TPRG1: variants seen among roughly 807,000 people sequenced by gnomAD.
TPRG1 encodes the protein tumor protein p63 regulated 1.
A neutral mutation model predicts 29.3 loss-of-function variants in TPRG1; 29 were observed. The observed-to-expected ratio is 0.99, with a 90% CI of 0.74 to 1.35. The LOEUF (loss-of-function observed/expected upper bound fraction) is 1.35, where lower values mean the gene tolerates loss of function less well. TPRG1 is among the 40% of genes most tolerant of loss of function. The pLI is 0.00. For missense variants in TPRG1, 327 were observed against 335.0 expected (o/e 0.98, Z 0.19); for synonymous variants, 130 against 116.8 (o/e 1.11, Z -0.73).
chr3:189,071,313 A>G (rs193081757), intron 4 of TPRG1, among the ~76,000 whole-genome samples: 6 of 152,280 alleles, frequency 3.9e-5, no homozygotes, highest in Admixed American at 1.3e-4. Flanking sequence ...CTTTTTCCTT[A>G]AACAACTTTT....
At chr3:189,102,751 CTTTG>C (rs1339194157) in intron 1 of TPRG1, among the ~76,000 whole-genome samples, 3 of 152,116 alleles carry the variant, frequency 2.0e-5, no homozygotes, top group Admixed American at 6.5e-5. Context: ...GTTCAAATTT[CTTTG>C]TTTATTAATT....
chr3:189,181,627 T>A (rs1730235894), intron 1 of TPRG1, among the ~76,000 whole-genome samples: 1 of 152,176 alleles, frequency 6.6e-6, no homozygotes, highest in Admixed American at 6.5e-5. Context: ...TTGTTCATAT[T>A]ATTATCAGCA....
At chr3:189,274,237 T>C (rs535528018) in intron 4 of TPRG1, among the ~76,000 whole-genome samples, 1 of 152,272 alleles carries the variant, frequency 6.6e-6, no homozygotes, top group South Asian at 2.1e-4. Context: ...TAAGCTCTGA[T>C]AATTTTCTTA....
chr3:189,177,219 A>G (rs1729595934), intron 1 of TPRG1, among the ~76,000 whole-genome samples: 1 of 152,140 alleles, frequency 6.6e-6, no homozygotes, highest in Non-Finnish European at 1.5e-5. Flanking sequence ...AACAGGTAGA[A>G]AAGAGTGGCC....
At chr3:189,282,871 A>G (rs1717403904) in intron 4 of TPRG1, among the ~76,000 whole-genome samples, 1 of 152,184 alleles carries the variant, frequency 6.6e-6, no homozygotes, top group African/African-American at 2.4e-5. Flanking sequence ...ATGATAGTTA[A>G]TATTTTCTGT....
At chr3:189,050,591 C>T (rs144531371) in intron 4 of TPRG1, among the ~76,000 whole-genome samples, 74 of 152,216 alleles carry the variant, frequency 4.9e-4, no homozygotes, top group Middle Eastern at 3.4e-3. Context: ...ATGAAGCCAG[C>T]CTCACCCTAA....
intron 1 of TPRG1, among the ~76,000 whole-genome samples, chr3:189,180,104 G>A (rs751183178): frequency 9.2e-5 from 14 of 152,098 alleles, no homozygotes; most frequent in Non-Finnish European, 1.5e-4. Flanking sequence ...ATCAGATCCC[G>A]TGAGACTTAT....
intron 4 of TPRG1, among the ~76,000 whole-genome samples, chr3:189,082,507 A>G (rs1306190078): frequency 6.6e-6 from 1 of 152,228 alleles, no homozygotes; most frequent in Non-Finnish European, 1.5e-5. Flanking sequence ...CTTGAAGGCT[A>G]TAGGCAGTCT....
chr3:189,165,794 A>T (rs1323953890), intron 5 of TPRG1, among the ~76,000 whole-genome samples: 1 of 152,174 alleles, frequency 6.6e-6, no homozygotes, highest in Non-Finnish European at 1.5e-5. Flanking sequence ...AGGGGGAAAG[A>T]ATCCAAAATT....
intron 4 of TPRG1, among the ~76,000 whole-genome samples, chr3:189,034,509 A>G (rs1021063569): frequency 3.3e-5 from 5 of 152,232 alleles, no homozygotes; most frequent in Admixed American, 6.5e-5. Flanking sequence ...CAATATATCA[A>G]TGTACCTTAT....
chr3:189,133,983 A>T (rs570718427), intron 3 of TPRG1, among the ~76,000 whole-genome samples: 1 of 152,330 alleles, frequency 6.6e-6, no homozygotes, highest in East Asian at 1.9e-4. Context: ...TGTGGAGGCA[A>T]ATAGTGTTAT....
intron 4 of TPRG1, among the ~76,000 whole-genome samples, chr3:189,034,813 C>T (rs1429940654): frequency 6.6e-6 from 1 of 152,098 alleles, no homozygotes; most frequent in African/African-American, 2.4e-5. Context: ...GAAAAACATT[C>T]CATGCTCATT....
At position 189,321,231 on chromosome 3, in the gene TPRG1, A is replaced by G. The variant is rs1434306269; in HGVS notation, c.*411A>G. On this transcript the variant is annotated 3_prime_UTR_variant, in exon 6 of 6. Coordinates refer to ENST00000345063, the MANE Select transcript of TPRG1 (RefSeq NM_198485.4). Reference sequence around the variant, plus strand: ...TCATTGGGGTCTCACTGTCTCTAGTATTTTAGCTACCACTTGATAAGGATG... The same window carrying G: ...TCATTGGGGTCTCACTGTCTCTAGTGTTTTAGCTACCACTTGATAAGGATG... 2 of 140,918 alleles carry G rather than the reference A, an allele frequency of 1.4e-5. No homozygotes were observed. The highest frequency in any genetic ancestry group is 2.7e-5 in the African/African-American group (1 of 36,748). The allele number at this position is 140,918 out of a possible 1,614,324, so 8.7% of individuals were successfully genotyped here.
intron 4 of TPRG1, among the ~76,000 whole-genome samples, chr3:189,286,725 A>G (rs1343719970): frequency 6.6e-6 from 1 of 152,128 alleles, no homozygotes; most frequent in Non-Finnish European, 1.5e-5. Flanking sequence ...TCAAAGAGAG[A>G]ATAAGGTACA....
intron 4 of TPRG1, among the ~76,000 whole-genome samples, chr3:189,304,743 A>G (rs1225464232): frequency 6.6e-6 from 1 of 152,200 alleles, no homozygotes; most frequent in Admixed American, 6.5e-5. Context: ...TTTTGTCCAG[A>G]TTAAATAAGC....
At chr3:189,276,707 T>A (rs1716205372) in intron 4 of TPRG1, among the ~76,000 whole-genome samples, 1 of 152,184 alleles carries the variant, frequency 6.6e-6, no homozygotes, top group Non-Finnish European at 1.5e-5. Flanking sequence ...CCCTAGTCTC[T>A]TCCTTGGCTT....
At chr3:189,273,477 C>T (rs1212577880) in intron 4 of TPRG1, among the ~76,000 whole-genome samples, 5 of 152,112 alleles carry the variant, frequency 3.3e-5, no homozygotes, top group Admixed American at 6.6e-5. Flanking sequence ...TTAGAGTATG[C>T]GACAGGCAGT....
rs952757416 is a variant in TPRG1, at chr3:189,226,712, C to T, written c.302+11329C>T. Among the ~76,000 whole-genome samples the T allele has an allele frequency of 2.8e-5, 4 of 141,062 alleles. No individual in the cohort carries two copies. In the East Asian group the frequency reaches 8.1e-4, roughly 29 times the overall value. 92.5% of individuals were successfully genotyped at this position (141,062 alleles called of 152,430 possible). On this transcript the variant is annotated intron_variant, in intron 3 of 5. Transcript: ENST00000345063. ...AATGAAAAAATTAAACAAAAAAAAC[C>T]GAAAGAACTATAGAAAAAATTAACA...
At chr3:189,238,525 A>G (rs1560590994) in intron 3 of TPRG1, among the ~76,000 whole-genome samples, 1 of 152,088 alleles carries the variant, frequency 6.6e-6, no homozygotes, top group Non-Finnish European at 1.5e-5. Flanking sequence ...ATGATAAAAT[A>G]TTTCTCCATC....
Sources: allele counts gnomAD v4.1 joint callset (sites outside exome capture counted in the v4.1 genomes callset), GRCh38; gene constraint gnomAD v4.1.1; transcripts MANE v1.5; gene names NCBI Gene and HGNC (gene_info 2026-07-23, HGNC 2026-07-21).